Variants in LRP1B observed in about 807,000 individuals in gnomAD.
LRP1B encodes LDL receptor related protein 1B.
A neutral mutation model predicts 556.6 loss-of-function variants in LRP1B; 217 were observed. The ratio of observed to expected loss-of-function variants is 0.39; its 90% confidence interval spans 0.35 to 0.44. The LOEUF is 0.44. LRP1B is among the 20% of genes least tolerant of loss of function. The pLI is 1.00. For synonymous variants in LRP1B, 2,047 were observed against 1,865.8 expected, an observed-to-expected ratio of 1.10 and a Z score of -2.50; for missense variants, 5,053 against 5,620.8, an observed-to-expected ratio of 0.90 and a Z score of 3.23.
chr2:141,893,072 A>G (rs1699339836), intron 1 of LRP1B, among the ~76,000 whole-genome samples: 1 of 152,184 alleles, frequency 6.6e-6, no homozygotes, highest in Non-Finnish European at 1.5e-5. Context: ...GTCATGTTCA[A>G]CTGGGTCTAT....
intron 31 of LRP1B, among the ~76,000 whole-genome samples, chr2:140,838,736 T>C (rs996191500): frequency 1.3e-5 from 2 of 152,136 alleles, no homozygotes; most frequent in Non-Finnish European, 2.9e-5. Context: ...GATAATAATA[T>C]CAAAATTGAG....
chr2:141,430,593 G>A (rs1271277041), intron 3 of LRP1B, among the ~76,000 whole-genome samples: 2 of 149,754 alleles, frequency 1.3e-5, no homozygotes, highest in African/African-American at 4.9e-5. Context: ...CAAATAATAA[G>A]GTAATAGTTT....
At chr2:141,175,830 G>A (rs1386361530) in intron 7 of LRP1B, among the ~76,000 whole-genome samples, 2 of 152,118 alleles carry the variant, frequency 1.3e-5, no homozygotes, top group African/African-American at 4.8e-5. Context: ...ACCCATGAAA[G>A]CAACTGTGGG....
At chr2:140,294,686 T>C (rs998826937) in intron 84 of LRP1B, among the ~76,000 whole-genome samples, 4 of 152,092 alleles carry the variant, frequency 2.6e-5, no homozygotes, top group African/African-American at 9.7e-5. Context: ...GGGGTCTCCA[T>C]TAAGTGGGAT....
chr2:141,450,217 A>G (rs1277911945), intron 3 of LRP1B, among the ~76,000 whole-genome samples: 1 of 152,176 alleles, frequency 6.6e-6, no homozygotes, highest in Non-Finnish European at 1.5e-5. Context: ...CTTTGTTTTT[A>G]TTAGTTCTTG....
chr2:141,565,682 C>A (rs763917359), intron 2 of LRP1B, among the ~76,000 whole-genome samples: 3 of 152,142 alleles, frequency 2.0e-5, no homozygotes, highest in African/African-American at 7.2e-5. Flanking sequence ...TACGCATACG[C>A]GTATATGAAA....
chr2:140,413,300 T>C (rs1449942179), intron 66 of LRP1B, among the ~76,000 whole-genome samples: 1 of 152,232 alleles, frequency 6.6e-6, no homozygotes, highest in African/African-American at 2.4e-5. Context: ...CTTCAATTTC[T>C]TGTATACTCC....
At chr2:140,713,848 C>T (rs1687121249) in intron 37 of LRP1B, among the ~76,000 whole-genome samples, 3 of 152,036 alleles carry the variant, frequency 2.0e-5, no homozygotes. Flanking sequence ...CTTGCAGCCT[C>T]CTCCACAAAG....
rs2105097204 is a variant in LRP1B, at chr2:140,840,919, C to T, written c.5113G>A (p.Gly1705Arg). Residue 1705 changes from glycine to arginine, a missense_variant and splice_region_variant, in exon 30 of 91, where the codon GGA (glycine) becomes AGA (arginine). Gly to Arg is a moderately radical substitution (Grantham distance 125). Coordinates refer to ENST00000389484, the MANE Select transcript of LRP1B (RefSeq NM_018557.3). ...TTTAAAAAAAAAATCATACTTTACC[C>T]CCTGACTGGGTGAGCTGCAAGACAC... ...PQCLAAHPVR[G>R]KLYWTDGNTI... is the part of the protein sequence containing the mutation. 1 of 1,597,292 alleles carries T rather than the reference C, an allele frequency of 6.3e-7. No individual in the cohort carries two copies. The highest frequency in any genetic ancestry group is 8.5e-7 in the Non-Finnish European group (1 of 1,172,700).
intron 1 of LRP1B, among the ~76,000 whole-genome samples, chr2:141,903,580 A>T (rs1699680136): frequency 6.6e-6 from 1 of 151,982 alleles, no homozygotes; most frequent in East Asian, 1.9e-4. Context: ...ATGAGATGGA[A>T]TTTTTAATTA....
In LRP1B at chr2:141,873,439, T is replaced by C. The variant is rs188185233; in HGVS notation, c.83-63038A>G. 2.6e-3 allele frequency among the ~76,000 whole-genome samples: 401 copies of C among 152,102 alleles called. 5 individuals are homozygous for C. The highest frequency in any genetic ancestry group is 9.4e-3 in the African/African-American group (390 of 41,532). On this transcript the variant is annotated intron_variant, in intron 1 of 90. Coordinates refer to ENST00000389484, the MANE Select transcript of LRP1B (RefSeq NM_018557.3). Reference sequence around the variant, plus strand: ...CAAATGAGGTAAAAGCATTGCTTTGTTGGGAATCAGAGTTCTCATCATGGG... The same window carrying C: ...CAAATGAGGTAAAAGCATTGCTTTGCTGGGAATCAGAGTTCTCATCATGGG...
At chr2:140,682,181 T>C (rs1433568378) in intron 41 of LRP1B, among the ~76,000 whole-genome samples, 1 of 152,214 alleles carries the variant, frequency 6.6e-6, no homozygotes, top group East Asian at 1.9e-4. Context: ...AATGGGCATT[T>C]AGGACCATCT....
chr2:140,233,434 A>ACATT, intron 90 of LRP1B, 108 bp from the exon 91 acceptor site: 2 of 657,538 alleles, frequency 3.0e-6, no homozygotes, highest in South Asian at 6.1e-5. Flanking sequence ...TATATGCAAT[A>ACATT]CATTTAATTT....
At chr2:141,233,870 GTA>G (rs143475702) in intron 5 of LRP1B, among the ~76,000 whole-genome samples, 2,432 of 151,506 alleles carry the variant, frequency 0.016, 64 homozygotes, top group African/African-American at 0.05. Context: ...TATAATAAAT[GTA>G]TATATATATG....
At chr2:141,499,737 A>G (rs1201188498) in intron 2 of LRP1B, among the ~76,000 whole-genome samples, 2 of 152,168 alleles carry the variant, frequency 1.3e-5, no homozygotes, top group Non-Finnish European at 2.9e-5. Flanking sequence ...AATAAAAAAG[A>G]AAATTAACAA....
chr2:141,955,875 A>G (rs571183787), intron 1 of LRP1B, among the ~76,000 whole-genome samples: 3 of 152,150 alleles, frequency 2.0e-5, no homozygotes, highest in East Asian at 1.9e-4. Context: ...ATTTCTCTTA[A>G]GCCTGCCTAA....
chr2:140,927,775 T>C (rs1694930880), intron 20 of LRP1B, among the ~76,000 whole-genome samples: 1 of 151,042 alleles, frequency 6.6e-6, no homozygotes, highest in African/African-American at 2.4e-5. Flanking sequence ...AGTGCAATCT[T>C]GGCTCACTGC....
At position 140,456,565 on chromosome 2, in the gene LRP1B, T is replaced by C; in HGVS notation, c.9853A>G (p.Ser3285Gly). 1 of 1,612,662 alleles carries C rather than the reference T, an allele frequency of 6.2e-7. No homozygotes were observed. The highest frequency in any genetic ancestry group is 8.5e-7 in the Non-Finnish European group (1 of 1,179,146). The change falls in exon 62 of 91, where the codon AGT becomes GGT. Residue 3285 changes from serine to glycine, a missense_variant. Transcript: ENST00000389484. ...CCAGGGGCTAAAAGGCACAAATGAC[T>C]GCAACCACCATTATTTATCATGCAG... ...HLCMINNGGC[S>G]HLCLLAPGKT...
chr2:140,549,577 C>T (rs1680470188), intron 43 of LRP1B, among the ~76,000 whole-genome samples: 1 of 152,156 alleles, frequency 6.6e-6, no homozygotes, highest in Admixed American at 6.6e-5. Context: ...AGTAGCAGCA[C>T]ATAGAAGGAC....
Sources: allele counts gnomAD v4.1 joint callset (sites outside exome capture counted in the v4.1 genomes callset), GRCh38; gene constraint gnomAD v4.1.1; transcripts MANE v1.5; gene names NCBI Gene and HGNC (gene_info 2026-07-23, HGNC 2026-07-21).